The following TMEM88 variants were observed in gnomAD, a reference collection of about 807,000 sequenced individuals.
TMEM88 encodes transmembrane protein 88.
Under a neutral mutation model 10.0 loss-of-function variants are expected in TMEM88, and 8 were observed. That is an observed-to-expected ratio of 0.80 (90% CI 0.47 to 1.44). The LOEUF (loss-of-function observed/expected upper bound fraction) is 1.44, where lower values mean the gene tolerates loss of function less well. Ranked by LOEUF, TMEM88 falls within the 40% of genes most tolerant of loss-of-function variation. TMEM88 has a pLI of 0.00. For missense variants in TMEM88, 255 were observed against 217.8 expected (o/e 1.17, Z -1.07); for synonymous variants, 139 against 104.9 (o/e 1.33, Z -1.99).
Position 7,855,579 on chromosome 17 carries a change from G to GCGCCTC in TMEM88, c.351_356dup (p.Arg118_Leu119dup), listed in dbSNP as rs777027745. On this transcript the variant is annotated inframe_insertion, in exon 2 of 2. Transcript: ENST00000301599. ...TGGCCAGCTACCGCCGCCTCTGCCT[G>GCGCCTC]CGCCTCCGCCTAGCCGATTGCCTCG... 1.9e-6 allele frequency: 3 copies of GCGCCTC among 1,607,970 alleles called. No homozygotes were observed. Among genetic ancestry groups the GCGCCTC allele is most frequent in the South Asian group, 1.1e-5 (1 of 91,078 alleles).
chr17:7,855,428 C>T lies in TMEM88; in HGVS notation c.211-17C>T, dbSNP rs8065467. 59,506 of 1,600,042 alleles carry T rather than the reference C, an allele frequency of 0.037. 2,982 individuals are homozygous for T. Among genetic ancestry groups the T allele is most frequent in the African/African-American group, 0.24 (17,995 of 74,908 alleles). On this transcript the variant is annotated splice_polypyrimidine_tract_variant and intron_variant, in intron 1 of 1. Coordinates refer to ENST00000301599, the MANE Select transcript of TMEM88 (RefSeq NM_203411.2). ...TATCGCCTGGTCGGCTTGGGCCTGACGCCTCTTCTCCCACAGTTCCTGCGC... is the reference window on the plus strand; with the variant it reads ...TATCGCCTGGTCGGCTTGGGCCTGATGCCTCTTCTCCCACAGTTCCTGCGC...
chr17:7,855,498 C>T lies in TMEM88; in HGVS notation c.264C>T (p.Phe88=), dbSNP rs146518619. ...PCTAHLRDPG[F]TALLVTGFLL... is the part of the protein sequence containing the mutation. ...CCGCGCACCTGCGGGACCCCGGTTT[C>T]ACGGCCCTACTGGTCACCGGATTCC... The change falls in exon 2 of 2, where the codon TTC becomes TTT. Residue 88 remains phenylalanine (F), a synonymous_variant. Transcript: ENST00000301599. 1.1e-4 allele frequency: 180 copies of T among 1,608,344 alleles called. No homozygotes were observed. The highest frequency in any genetic ancestry group is 1.5e-4 in the Non-Finnish European group (176 of 1,179,938).
In TMEM88 at chr17:7,855,087, C is replaced by A. The variant is rs139302449; in HGVS notation, c.13C>A (p.Pro5Thr). Residue 5 changes from proline to threonine, a missense_variant, in exon 1 of 2, where the codon CCC (proline) becomes ACC (threonine). Physicochemically the swap from Pro to Thr is conservative, Grantham distance 38. Coordinates refer to ENST00000301599, the MANE Select transcript of TMEM88 (RefSeq NM_203411.2). Reference protein sequence around the residue: MADVPGAQRAVPGDG... With the variant: MADVTGAQRAVPGDG... ...ATCCAGGCGGGCCATGGCGGATGTC[C>A]CCGGGGCACAGCGAGCGGTTCCTGG... is the stretch of plus-strand genomic sequence containing the variant. The A allele has an allele frequency of 1.7e-5, 28 of 1,602,638 alleles. No homozygotes were observed. The African/African-American group carries it at 2.9e-4, about 17-fold the overall frequency.
chr17:7,855,131 G>A lies in TMEM88; in HGVS notation c.57G>A (p.Arg19=), dbSNP rs116077752. ...TTCCTGGTGACGGCCCAGAGCCCCG[G>A]GACCCCCTGGACTGTTGGGCCTGCG... ...RAVPGDGPEP[R]DPLDCWACAV... The change falls in exon 1 of 2, where the codon CGG becomes CGA. Residue 19 remains arginine (R), a synonymous_variant. Transcript: ENST00000301599. 1.2e-3 allele frequency: 1,924 copies of A among 1,610,566 alleles called. 30 individuals carry two copies. In the African/African-American group the frequency reaches 0.023, roughly 19 times the overall value.
Position 7,856,073 on chromosome 17 carries a change from G to A in TMEM88, c.*359G>A, listed in dbSNP as rs2078805277. ...GGGCTGGAGGGGAAGGAGTGTCCAC[G>A]CATCAATAAAGATTTAACGAACTGA... On this transcript the variant is annotated 3_prime_UTR_variant, in exon 2 of 2. Transcript: ENST00000301599. 9 of 922,146 alleles carry A rather than the reference G, an allele frequency of 9.8e-6. No individual in the cohort carries two copies. The South Asian group carries it at 1.2e-4, about 13-fold the overall frequency. The allele number at this position is 922,146 out of a possible 1,614,324, so 57.1% of individuals were successfully genotyped here. A position where few individuals can be genotyped will look rare whatever the true frequency, so the allele number is the denominator to read the frequency against.
rs539149186 is a variant in TMEM88, at chr17:7,855,612, C to T, written c.378C>T (p.Tyr126=). Reference sequence around the variant, plus strand: ...GCCTAGCCGATTGCCTCGTGCCCTACAGCCGAGCCCTTTATCGGCGTCGGC... The same window carrying T: ...GCCTAGCCGATTGCCTCGTGCCCTATAGCCGAGCCCTTTATCGGCGTCGGC... The part of the protein sequence containing the change: ...RLRLADCLVP[Y]SRALYRRRRA... Residue 126 remains tyrosine (Y), a synonymous_variant, in exon 2 of 2, where the codon TAC becomes TAT. Transcript: ENST00000301599. The T allele has an allele frequency of 1.0e-4, 163 of 1,609,026 alleles. 1 individual carries two copies. The East Asian group carries it at 3.4e-3, about 33-fold the overall frequency.
chr17:7,855,558 C>T lies in TMEM88; in HGVS notation c.324C>T (p.Ala108=), dbSNP rs753227066. 1.9e-6 allele frequency: 3 copies of T among 1,608,278 alleles called. No individual in the cohort carries two copies. In the Admixed American group the frequency reaches 5.0e-5, roughly 27 times the overall value. The change falls in exon 2 of 2, where the codon GCC becomes GCT. Residue 108 remains alanine, a synonymous_variant. Transcript: ENST00000301599. The part of the protein sequence containing the change: ...LLVPLLVLAL[A]SYRRLCLRLR... ...TGCCGCTGCTCGTGCTTGCTCTGGC[C>T]AGCTACCGCCGCCTCTGCCTGCGCC... is the stretch of plus-strand genomic sequence containing the variant.
At position 7,855,637 on chromosome 17, in the gene TMEM88, C is replaced by A. The variant is rs1199098817; in HGVS notation, c.403C>A (p.Arg135Ser). 3.7e-6 allele frequency: 6 copies of A among 1,608,076 alleles called. No homozygotes were observed. The highest frequency in any genetic ancestry group is 5.1e-6 in the Non-Finnish European group (6 of 1,178,946). Residue 135 changes from arginine (R) to serine (S), a missense_variant, in exon 2 of 2, where the codon CGC becomes AGC. Transcript: ENST00000301599. ...PYSRALYRRRRAPQPRQIRAS... is the reference protein window; with the variant it reads ...PYSRALYRRRSAPQPRQIRAS... ...CAGCCGAGCCCTTTATCGGCGTCGGCGCGCCCCGCAGCCGCGGCAAATCCG... is the reference window on the plus strand; with the variant it reads ...CAGCCGAGCCCTTTATCGGCGTCGGAGCGCCCCGCAGCCGCGGCAAATCCG...
Position 7,855,585 on chromosome 17 carries a change from C to T in TMEM88, c.351C>T (p.Leu117=). The T allele has an allele frequency of 6.2e-7, 1 of 1,608,254 alleles. No individual in the cohort carries two copies. Among genetic ancestry groups the T allele is most frequent in the Non-Finnish European group, 8.5e-7 (1 of 1,179,864 alleles). Residue 117 remains leucine (L), a synonymous_variant, in exon 2 of 2, where the codon CTC becomes CTT. Transcript: ENST00000301599. ...GCTACCGCCGCCTCTGCCTGCGCCT[C>T]CGCCTAGCCGATTGCCTCGTGCCCT... is the stretch of plus-strand genomic sequence containing the variant. ...LASYRRLCLR[L]RLADCLVPYS...
In TMEM88 at chr17:7,855,073, C is replaced by T; in HGVS notation, c.-2C>T. 1 of 1,598,966 alleles carries T rather than the reference C, an allele frequency of 6.3e-7. No individual in the cohort carries two copies. Among genetic ancestry groups the T allele is most frequent in the Non-Finnish European group, 8.5e-7 (1 of 1,178,958 alleles). The stretch of plus-strand genomic sequence containing the variant: ...CCCAGGCGGGCGGGATCCAGGCGGG[C>T]CATGGCGGATGTCCCCGGGGCACAG... On this transcript the variant is annotated 5_prime_UTR_variant, in exon 1 of 2. Coordinates refer to ENST00000301599, the MANE Select transcript of TMEM88 (RefSeq NM_203411.2).
chr17:7,855,240 C>T lies in TMEM88; in HGVS notation c.166C>T (p.Pro56Ser), dbSNP rs1445332462. 1.9e-6 allele frequency: 3 copies of T among 1,605,712 alleles called. No homozygotes were observed. The highest frequency in any genetic ancestry group is 1.1e-5 in the South Asian group (1 of 89,758). The change falls in exon 1 of 2, where the codon CCC becomes TCC. Residue 56 changes from proline to serine, a missense_variant. Physicochemically the swap from Pro to Ser is moderately conservative, Grantham distance 74. Transcript: ENST00000301599. ...LVLVLGTILL[P>S]AVTMLGFGFL... is the part of the protein sequence containing the mutation. ...GCTGGTGCTAGGGACCATCTTGCTA[C>T]CCGCTGTCACCATGCTGGGCTTCGG... is the stretch of plus-strand genomic sequence containing the variant.
In TMEM88 at chr17:7,855,721, T is replaced by C; in HGVS notation, c.*7T>C. 6.5e-7 allele frequency: 1 copy of C among 1,538,194 alleles called. No individual in the cohort carries two copies. Among genetic ancestry groups the C allele is most frequent in the Non-Finnish European group, 8.8e-7 (1 of 1,140,350 alleles). The stretch of plus-strand genomic sequence containing the variant: ...AGGAAAGGTCTGGGTCTAATGACCC[T>C]CGAGTCAAGAACAACCCTGACGGCT... On this transcript the variant is annotated 3_prime_UTR_variant, in exon 2 of 2. Coordinates refer to ENST00000301599, the MANE Select transcript of TMEM88 (RefSeq NM_203411.2).
In TMEM88 at chr17:7,855,836, CCCCTTGGGA is replaced by C. The variant is rs1415921260; in HGVS notation, c.*123_*131del. ...CCCTGCCTGAGCGGAGTCCTAGCAT[CCCCTTGGGA>C]GCAGCAGCGTCAGTGGACCCAGTGC... On this transcript the variant is annotated 3_prime_UTR_variant, in exon 2 of 2. Transcript: ENST00000301599. 2 of 1,424,598 alleles carry C rather than the reference CCCCTTGGGA, an allele frequency of 1.4e-6. No individual in the cohort carries two copies. Among genetic ancestry groups the C allele is most frequent in the Non-Finnish European group, 9.2e-7 (1 of 1,092,022 alleles). The allele number at this position is 1,424,598 out of a possible 1,614,324, so 88.2% of individuals were successfully genotyped here.
In TMEM88 at chr17:7,855,099, C is replaced by A. The variant is rs755057447; in HGVS notation, c.25C>A (p.Arg9=). MADVPGAQ[R]AVPGDGPEPR... is the part of the protein sequence containing the mutation. ...CATGGCGGATGTCCCCGGGGCACAG[C>A]GAGCGGTTCCTGGTGACGGCCCAGA... Residue 9 remains arginine (R), a synonymous_variant, in exon 1 of 2, where the codon CGA becomes AGA. Transcript: ENST00000301599. The A allele has an allele frequency of 3.7e-6, 6 of 1,604,966 alleles. No homozygotes were observed. In the East Asian group the frequency reaches 1.1e-4, roughly 30 times the overall value.
In TMEM88 at chr17:7,855,161, T is replaced by A. The variant is rs1188659735; in HGVS notation, c.87T>A (p.Val29=). 1 of 1,612,052 alleles carries A rather than the reference T, an allele frequency of 6.2e-7. No individual in the cohort carries two copies. Among genetic ancestry groups the A allele is most frequent in the Admixed American group, 1.7e-5 (1 of 59,796 alleles). Residue 29 remains valine, a synonymous_variant, in exon 1 of 2, where the codon GTT becomes GTA. Coordinates refer to ENST00000301599, the MANE Select transcript of TMEM88 (RefSeq NM_203411.2). ...CCCTGGACTGTTGGGCCTGCGCTGT[T>A]CTTGTAACAGCCCAGAATCTGCTGG... The part of the protein sequence containing the change: ...RDPLDCWACA[V]LVTAQNLLVA...
chr17:7,855,975 C>G lies in TMEM88; in HGVS notation c.*261C>G. The G allele has an allele frequency of 7.8e-7, 1 of 1,286,322 alleles. No individual in the cohort carries two copies. The highest frequency in any genetic ancestry group is 3.0e-5 in the East Asian group (1 of 33,210). The allele number at this position is 1,286,322 out of a possible 1,614,324, so 79.7% of individuals were successfully genotyped here. ...CTGCACACCTCCCCCTCAGCTCCGT[C>G]GTGAATGGGACAACAATCTCGTGCC... is the stretch of plus-strand genomic sequence containing the variant. On this transcript the variant is annotated 3_prime_UTR_variant, in exon 2 of 2. Coordinates refer to ENST00000301599, the MANE Select transcript of TMEM88 (RefSeq NM_203411.2).
chr17:7,855,875 A>G lies in TMEM88; in HGVS notation c.*161A>G. On this transcript the variant is annotated 3_prime_UTR_variant, in exon 2 of 2. Transcript: ENST00000301599. ...CAGCGTCAGTGGACCCAGTGCTGAGAAAAGCCCCCACATCCCGGAAAACCC... is the reference window on the plus strand; with the variant it reads ...CAGCGTCAGTGGACCCAGTGCTGAGGAAAGCCCCCACATCCCGGAAAACCC... 3 of 1,399,906 alleles carry G rather than the reference A, an allele frequency of 2.1e-6. No homozygotes were observed. The South Asian group carries it at 4.9e-5, about 23-fold the overall frequency. 86.7% of individuals were successfully genotyped at this position (1,399,906 alleles called of 1,614,324 possible). A position where few individuals can be genotyped will look rare whatever the true frequency, so the allele number is the denominator to read the frequency against.
Position 7,855,768 on chromosome 17 carries a change from A to G in TMEM88, c.*54A>G. 6.9e-7 allele frequency: 1 copy of G among 1,453,030 alleles called. No individual in the cohort carries two copies. The highest frequency in any genetic ancestry group is 9.1e-7 in the Non-Finnish European group (1 of 1,102,850). 90.0% of individuals were successfully genotyped at this position (1,453,030 alleles called of 1,614,324 possible). On this transcript the variant is annotated 3_prime_UTR_variant, in exon 2 of 2. Transcript: ENST00000301599. Reference sequence around the variant, plus strand: ...GGCTGCCCTCCCTCTTATTCGGCCCAAGGACTTGAAGCCCGGCATCTTCCG... The same window carrying G: ...GGCTGCCCTCCCTCTTATTCGGCCCGAGGACTTGAAGCCCGGCATCTTCCG...
chr17:7,855,267 T>C lies in TMEM88; in HGVS notation c.193T>C (p.Phe65Leu). ...LPAVTMLGFG[F>L]LCHSQFLRSQ... ...CGCTGTCACCATGCTGGGCTTCGGC[T>C]TCCTCTGCCACTCTCAGGTGAGCGT... Residue 65 changes from phenylalanine (F) to leucine (L), a missense_variant, in exon 1 of 2, where the codon TTC becomes CTC. Coordinates refer to ENST00000301599, the MANE Select transcript of TMEM88 (RefSeq NM_203411.2). 1 of 1,599,988 alleles carries C rather than the reference T, an allele frequency of 6.3e-7. No individual in the cohort carries two copies. Among genetic ancestry groups the C allele is most frequent in the Non-Finnish European group, 8.5e-7 (1 of 1,174,026 alleles).
Sources: gnomAD v4.1 joint callset for allele counts on GRCh38, gnomAD v4.1.1 for gene constraint, MANE v1.5 for transcripts, NCBI Gene and HGNC (gene_info 2026-07-23, HGNC 2026-07-21) for gene names.